The following ZDHHC3 variants were observed in gnomAD, a reference collection of about 807,000 sequenced individuals.
ZDHHC3 encodes the protein palmitoyltransferase ZDHHC3.
Under a neutral mutation model 30.6 loss-of-function variants are expected in ZDHHC3, and 9 were observed. The ratio of observed to expected loss-of-function variants is 0.29; its 90% CI spans 0.18 to 0.51. ZDHHC3 has a LOEUF of 0.51. Among genes scored for constraint, ZDHHC3 ranks in the 20% least tolerant of loss-of-function variants. The probability of loss-of-function intolerance (pLI) is 0.97; values close to 1 mark genes in which losing one functional copy is unlikely to be tolerated. For synonymous variants in ZDHHC3, 136 were observed against 140.2 expected (o/e 0.97, Z 0.21); for missense variants, 246 against 384.2 (o/e 0.64, Z 3.01).
rs971537657 is a variant in ZDHHC3, at chr3:44,976,141, G to T, written c.-233C>A. ...ATCGAGCTCTCCCGGCAGTGGCGGC[G>T]GCCGCGGCTGCAGGAGCGGCCGCCG... On this transcript the variant is annotated 5_prime_UTR_variant, in exon 1 of 7. Coordinates refer to ENST00000424952, the MANE Select transcript of ZDHHC3 (RefSeq NM_001135179.2). 2 of 646,754 alleles carry T rather than the reference G, an allele frequency of 3.1e-6. No individual in the cohort carries two copies. The highest frequency in any genetic ancestry group is 4.6e-6 in the Non-Finnish European group (2 of 433,802). The allele number at this position is 646,754 out of a possible 1,614,324, so 40.1% of individuals were successfully genotyped here.
intron 2 of ZDHHC3, among the ~76,000 whole-genome samples, chr3:44,945,835 G>A (rs1438922394): frequency 6.6e-6 from 1 of 152,168 alleles, no homozygotes; most frequent in Non-Finnish European, 1.5e-5. Context: ...GGGATTACAG[G>A]TGCAAGCCAC....
At chr3:44,954,392 C>T (rs1214553698) in intron 2 of ZDHHC3, among the ~76,000 whole-genome samples, 1 of 152,122 alleles carries the variant, frequency 6.6e-6, no homozygotes, top group Non-Finnish European at 1.5e-5. Context: ...GTTACAGTTG[C>T]CCACAGTCAG....
At position 44,926,526 on chromosome 3, in the gene ZDHHC3, A is replaced by G; in HGVS notation, c.*163T>C. 1 of 1,269,702 alleles carries G rather than the reference A, an allele frequency of 7.9e-7. No homozygotes were observed. The highest frequency in any genetic ancestry group is 3.0e-4 in the Middle Eastern group (1 of 3,302). The allele number at this position is 1,269,702 out of a possible 1,614,324, so 78.7% of individuals were successfully genotyped here. A position where few individuals can be genotyped will look rare whatever the true frequency, so the allele number is the denominator to read the frequency against. On this transcript the variant is annotated 3_prime_UTR_variant, in exon 7 of 7. Coordinates refer to ENST00000424952, the MANE Select transcript of ZDHHC3 (RefSeq NM_001135179.2). ...GGTTTTTAAAAAATAAAATGTGGGGACTTTTTTTTTTCTCTGCAATGCTCA... is the reference window on the plus strand; with the variant it reads ...GGTTTTTAAAAAATAAAATGTGGGGGCTTTTTTTTTTCTCTGCAATGCTCA...
In ZDHHC3 at chr3:44,923,144, T is replaced by C. The variant is rs1170412786; in HGVS notation, c.*3545A>G. On this transcript the variant is annotated 3_prime_UTR_variant, in exon 7 of 7. Coordinates refer to ENST00000424952, the MANE Select transcript of ZDHHC3 (RefSeq NM_001135179.2). ...AGGCTGGAGTGCAGTGGTGCGATCT[T>C]GGCTCACTGCAAGCTCCACTTCCCG... 3 of 939,338 alleles carry C rather than the reference T, an allele frequency of 3.2e-6. No homozygotes were observed. Among genetic ancestry groups the C allele is most frequent in the Non-Finnish European group, 3.8e-6 (3 of 788,540 alleles). 58.2% of individuals were successfully genotyped at this position (939,338 alleles called of 1,614,324 possible).
chr3:44,963,742 G>A (rs1254610143), intron 1 of ZDHHC3, among the ~76,000 whole-genome samples: 1 of 152,174 alleles, frequency 6.6e-6, no homozygotes, highest in Non-Finnish European at 1.5e-5. Context: ...CCGAAGATGG[G>A]CCCTAAGCCC....
At position 44,918,157 on chromosome 3, in the gene ZDHHC3, G is replaced by C. The variant is rs913661156; in HGVS notation, c.*8532C>G. On this transcript the variant is annotated 3_prime_UTR_variant, in exon 7 of 7. Transcript: ENST00000424952. ...GCGCTCGATGCCCTGCAGGGAGAAG[G>C]GGATGAAGAACATCGTCAGCGTGGT... is the stretch of plus-strand genomic sequence containing the variant. The C allele has an allele frequency of 6.1e-6, 8 of 1,301,450 alleles. No homozygotes were observed. The highest frequency in any genetic ancestry group is 1.5e-5 in the African/African-American group (1 of 65,724). The allele number at this position is 1,301,450 out of a possible 1,614,324, so 80.6% of individuals were successfully genotyped here.
intron 1 of ZDHHC3, among the ~76,000 whole-genome samples, chr3:44,963,267 T>C (rs561357744): frequency 6.6e-6 from 1 of 152,262 alleles, no homozygotes; most frequent in Non-Finnish European, 1.5e-5. Flanking sequence ...AGCGAGAACC[T>C]GTGATCTAGG....
At chr3:44,969,524 T>C (rs1705233939) in intron 1 of ZDHHC3, 1 of 152,242 alleles carries the variant, frequency 6.6e-6, no homozygotes, top group Non-Finnish European at 1.5e-5. Flanking sequence ...CACTACTTAC[T>C]ACAATAATTA....
chr3:44,968,656 A>G (rs1389179262), intron 1 of ZDHHC3, among the ~76,000 whole-genome samples: 1 of 152,194 alleles, frequency 6.6e-6, no homozygotes, highest in East Asian at 1.9e-4. Context: ...AGATTGCACC[A>G]CTGCACTCCA....
At chr3:44,958,544 A>G (rs1386671603) in intron 2 of ZDHHC3, 16 of 1,506,006 alleles carry the variant, frequency 1.1e-5, no homozygotes, top group African/African-American at 1.4e-5. Flanking sequence ...ATATTTAGCT[A>G]AGTCATTGAG....
intron 6 of ZDHHC3, among the ~76,000 whole-genome samples, chr3:44,929,102 T>A (rs112928874): frequency 0.018 from 2,740 of 152,302 alleles, 42 homozygotes; most frequent in Middle Eastern, 0.085. Flanking sequence ...CCTGGTGTGA[T>A]CTGCTATGGC....
chr3:44,922,473 C>G lies in ZDHHC3; in HGVS notation c.*4216G>C, dbSNP rs951628489. Reference sequence around the variant, plus strand: ...GCTTCATACAGACTTTCTTTGATGTCTTGGCAGTTGTTTGTTGGGGAGGCC... The same window carrying G: ...GCTTCATACAGACTTTCTTTGATGTGTTGGCAGTTGTTTGTTGGGGAGGCC... On this transcript the variant is annotated 3_prime_UTR_variant, in exon 7 of 7. Coordinates refer to ENST00000424952, the MANE Select transcript of ZDHHC3 (RefSeq NM_001135179.2). 2 of 985,276 alleles carry G rather than the reference C, an allele frequency of 2.0e-6. No homozygotes were observed. Among genetic ancestry groups the G allele is most frequent in the African/African-American group, 3.5e-5 (2 of 57,232 alleles). 61.0% of individuals were successfully genotyped at this position (985,276 alleles called of 1,614,324 possible).
chr3:44,919,824 G>C lies in ZDHHC3; in HGVS notation c.*6865C>G. ...TTTGTACTGTTTTTGTCACATTTTT[G>C]TAAGTCTGATTTCACAAAAAGTTTA... On this transcript the variant is annotated 3_prime_UTR_variant, in exon 7 of 7. Transcript: ENST00000424952. 1.0e-6 allele frequency: 1 copy of C among 955,532 alleles called. No individual in the cohort carries two copies. The highest frequency in any genetic ancestry group is 4.8e-5 in the South Asian group (1 of 20,686). The allele number at this position is 955,532 out of a possible 1,614,324, so 59.2% of individuals were successfully genotyped here.
At chr3:44,967,917 A>G (rs748006193) in intron 1 of ZDHHC3, among the ~76,000 whole-genome samples, 3 of 152,256 alleles carry the variant, frequency 2.0e-5, no homozygotes, top group Non-Finnish European at 4.4e-5. Flanking sequence ...CTGAATGCCT[A>G]TTATGCTTCA....
intron 2 of ZDHHC3, chr3:44,958,797 G>GC: frequency 1.1e-6 from 1 of 950,184 alleles, no homozygotes; most frequent in Non-Finnish European, 1.6e-6. Flanking sequence ...TGATCATCTG[G>GC]CCCCAGTCTT....
Position 44,917,684 on chromosome 3 carries a change from TCCTCCTCTGATGTCCCCAG to T in ZDHHC3, c.*8986_*9004del. On this transcript the variant is annotated 3_prime_UTR_variant, in exon 7 of 7. Transcript: ENST00000424952. Reference sequence around the variant, plus strand: ...TAGATGAACTCTGAGAAAGCCCCCATCCTCCTCTGATGTCCCCAGCCTACTCCCGACCCCCAGACCTGGC... The same window carrying T: ...TAGATGAACTCTGAGAAAGCCCCCATCCTACTCCCGACCCCCAGACCTGGC... 1 of 404,696 alleles carries T rather than the reference TCCTCCTCTGATGTCCCCAG, an allele frequency of 2.5e-6. No homozygotes were observed. The highest frequency in any genetic ancestry group is 2.1e-5 in the South Asian group (1 of 48,050). 25.1% of individuals were successfully genotyped at this position (404,696 alleles called of 1,614,324 possible).
rs1316848309 is a variant in ZDHHC3 at position 44,916,847 on chromosome 3, T to TG, written c.*9841dup. On this transcript the variant is annotated 3_prime_UTR_variant, in exon 7 of 7. Transcript: ENST00000424952. ...GGTGGGGTGTGTGTGTGTGTGTGTG[T>TG]GTTTGTCTATCTTCCTGATTCATCT... 2 of 152,106 alleles carry TG rather than the reference T, an allele frequency of 1.3e-5. No individual in the cohort carries two copies. The highest frequency in any genetic ancestry group is 1.3e-4 in the Admixed American group (2 of 15,264). The allele number at this position is 152,106 out of a possible 1,614,324, so 9.4% of individuals were successfully genotyped here.
At chr3:44,936,249 GA>G (rs1302652883) in intron 3 of ZDHHC3, among the ~76,000 whole-genome samples, 7 of 151,890 alleles carry the variant, frequency 4.6e-5, no homozygotes, top group African/African-American at 1.7e-4. Flanking sequence ...AGAAGCATAT[GA>G]AAAAAAAGCC....
intron 1 of ZDHHC3, among the ~76,000 whole-genome samples, chr3:44,970,692 C>T (rs1178625642): frequency 6.6e-6 from 1 of 152,176 alleles, no homozygotes; most frequent in Non-Finnish European, 1.5e-5. Context: ...TTAGCAATTT[C>T]CTGAGCATGT....
Sources: allele counts gnomAD v4.1 joint callset (sites outside exome capture counted in the v4.1 genomes callset), GRCh38; gene constraint gnomAD v4.1.1; transcripts MANE v1.5; gene names NCBI Gene and HGNC (gene_info 2026-07-23, HGNC 2026-07-21).